The following CDKL4 variants were observed in gnomAD, a reference collection of about 807,000 sequenced individuals.
CDKL4 encodes cyclin dependent kinase like 4, also known as cyclin-dependent kinase-like 4.
In CDKL4, 44 loss-of-function variants were observed where a neutral mutation model predicts 42.0. The ratio of observed to expected loss-of-function variants is 1.05; its 90% CI spans 0.82 to 1.35. CDKL4 has a LOEUF of 1.35. Ranked by LOEUF, CDKL4 falls within the 40% of genes most tolerant of loss-of-function variation. The pLI is 0.00. For missense variants in CDKL4, 393 were observed against 369.9 expected (o/e 1.06, Z -0.51); for synonymous variants, 120 against 121.6 (o/e 0.99, Z 0.09).
intron 1 of CDKL4, among the ~76,000 whole-genome samples, chr2:39,236,176 A>G (rs1328509051): frequency 6.6e-6 from 1 of 151,422 alleles, no homozygotes; most frequent in Non-Finnish European, 1.5e-5. Context: ...AAAAAACCAG[A>G]AATGAAAAAT....
intron 3 of CDKL4, among the ~76,000 whole-genome samples, chr2:39,216,301 A>C (rs75047968): frequency 0.012 from 1,788 of 152,300 alleles, 12 homozygotes; most frequent in Middle Eastern, 0.031. Context: ...GAAGAGGTGC[A>C]GAATAGCAAG....
chr2:39,214,989 A>G (rs1281812286), intron 3 of CDKL4, among the ~76,000 whole-genome samples: 1 of 152,142 alleles, frequency 6.6e-6, no homozygotes, highest in Non-Finnish European at 1.5e-5. Context: ...ATTCTCTGTA[A>G]CTTTTCTGTT....
chr2:39,229,232 T>TA (rs1678944640), intron 2 of CDKL4, 133 bp downstream of exon 2: 3 of 647,748 alleles, frequency 4.6e-6, no homozygotes, highest in African/African-American at 3.7e-5. Context: ...ATAATCAACT[T>TA]ATTACCCAAA....
At chr2:39,172,078 A>G (rs191662485), downstream of CDKL4, among the ~76,000 whole-genome samples, 252 of 152,280 alleles carry the variant, frequency 1.7e-3, 6 homozygotes, top group East Asian at 0.023. Context: ...TGGGAGGCCG[A>G]GGCAGGCGGA....
chr2:39,243,054 C>G (rs544617128), intron 1 of CDKL4, among the ~76,000 whole-genome samples: 150 of 132,610 alleles, frequency 1.1e-3, no homozygotes, highest in Non-Finnish European at 1.8e-3. Flanking sequence ...CCTGGGAGGT[C>G]AGCGAGCCAA....
At chr2:39,196,839 C>T (rs1676544506) in intron 5 of CDKL4, among the ~76,000 whole-genome samples, 1 of 152,152 alleles carries the variant, frequency 6.6e-6, no homozygotes, top group Admixed American at 6.5e-5. Context: ...AACTCCTGAC[C>T]TCAGGTATCT....
chr2:39,231,541 T>A (rs1406984232), intron 1 of CDKL4, among the ~76,000 whole-genome samples: 1 of 152,240 alleles, frequency 6.6e-6, no homozygotes, highest in East Asian at 1.9e-4. Flanking sequence ...TGAATTCGAT[T>A]TCCTCTCTTA....
chr2:39,242,026 GTTTTCT>G (rs1265670813), intron 1 of CDKL4, among the ~76,000 whole-genome samples: 2 of 150,728 alleles, frequency 1.3e-5, no homozygotes, highest in African/African-American at 4.9e-5. Flanking sequence ...GTTGAAAATA[GTTTTCT>G]TTTTCTTTTT....
intron 3 of CDKL4, among the ~76,000 whole-genome samples, chr2:39,220,587 T>G (rs567037490): frequency 1.6e-3 from 236 of 146,526 alleles, no homozygotes; most frequent in African/African-American, 5.9e-3. Flanking sequence ...GAGATTCTGG[T>G]TTTTTTTTTC....
intron 1 of CDKL4, among the ~76,000 whole-genome samples, chr2:39,232,183 T>G (rs936326416): frequency 3.9e-5 from 6 of 152,324 alleles, no homozygotes; most frequent in Middle Eastern, 6.8e-3. Context: ...TCAACCAAAC[T>G]GCTAAATACA....
At chr2:39,231,219 A>AAAAC (rs144520887) in intron 1 of CDKL4, among the ~76,000 whole-genome samples, 18 of 151,204 alleles carry the variant, frequency 1.2e-4, no homozygotes, top group Admixed American at 3.3e-4. Flanking sequence ...CTCAAAAACA[A>AAAAC]AAACAAACAA....
chr2:39,205,903 G>T (rs1052489199), intron 4 of CDKL4, among the ~76,000 whole-genome samples: 2 of 151,984 alleles, frequency 1.3e-5, no homozygotes, highest in Non-Finnish European at 2.9e-5. Flanking sequence ...GAAGCATTCC[G>T]CGCCAGGGGA....
chr2:39,173,546 A>G (rs1213568705), downstream of CDKL4, among the ~76,000 whole-genome samples: 2 of 152,116 alleles, frequency 1.3e-5, no homozygotes, highest in East Asian at 3.9e-4. Context: ...GCGGTGGCTC[A>G]CGCCTGTAAT....
chr2:39,221,738 G>T (rs947486030), intron 3 of CDKL4, among the ~76,000 whole-genome samples: 1 of 152,194 alleles, frequency 6.6e-6, no homozygotes, highest in Admixed American at 6.5e-5. Flanking sequence ...TTCAACAGAG[G>T]AGTTGCTTGA....
chr2:39,246,552 T>C (rs77154354), upstream of CDKL4, among the ~76,000 whole-genome samples: 420 of 152,358 alleles, frequency 2.8e-3, no homozygotes, highest in African/African-American at 9.7e-3. Flanking sequence ...ATTACTCTGC[T>C]TCAGGCACCC....
At chr2:39,226,436 T>TTA (rs1485609837) in intron 2 of CDKL4, among the ~76,000 whole-genome samples, 1 of 136,046 alleles carries the variant, frequency 7.4e-6, no homozygotes, top group Non-Finnish European at 1.6e-5. Flanking sequence ...TTTATATAAA[T>TTA]TATATATATT....
chr2:39,173,934 G>A (rs929974281), downstream of CDKL4, among the ~76,000 whole-genome samples: 1 of 151,900 alleles, frequency 6.6e-6, no homozygotes, highest in African/African-American at 2.4e-5. Context: ...AGTGAGCCAC[G>A]ATTGCGCCAC....
chr2:39,244,917 G>A (rs888599049), upstream of CDKL4, among the ~76,000 whole-genome samples: 4 of 152,076 alleles, frequency 2.6e-5, no homozygotes, highest in African/African-American at 9.7e-5. Flanking sequence ...GTGGGGCCTT[G>A]GAGAACCTTT....
chr2:39,216,603 A>G (rs573645118), intron 3 of CDKL4, among the ~76,000 whole-genome samples: 1 of 152,332 alleles, frequency 6.6e-6, no homozygotes, highest in East Asian at 1.9e-4. Context: ...GGACACTTAG[A>G]TTATGGTGGC....
Sources: allele counts gnomAD v4.1 joint callset (sites outside exome capture counted in the v4.1 genomes callset), GRCh38; gene constraint gnomAD v4.1.1; transcripts MANE v1.5; gene names NCBI Gene and HGNC (gene_info 2026-07-23, HGNC 2026-07-21).